GMEB1: variants seen among roughly 807,000 people sequenced by gnomAD.
GMEB1 encodes glucocorticoid modulatory element binding protein 1.
Under a neutral mutation model 52.4 loss-of-function variants are expected in GMEB1, and 6 were observed. The observed-to-expected ratio is 0.11, with a 90% CI of 0.06 to 0.23. The LOEUF (loss-of-function observed/expected upper bound fraction) is 0.23. Among genes scored for constraint, GMEB1 ranks in the 10% least tolerant of loss-of-function variants. The pLI is 1.00. For synonymous variants in GMEB1, 255 were observed against 244.9 expected (o/e 1.04, Z -0.38); for missense variants, 486 against 685.6 (o/e 0.71, Z 3.25).
intron 8 of GMEB1, among the ~76,000 whole-genome samples, chr1:28,707,735 G>C (rs943433529): frequency 6.6e-6 from 1 of 152,104 alleles, no homozygotes; most frequent in Non-Finnish European, 1.5e-5. Flanking sequence ...CTAGATAGAA[G>C]TATGAATGTG....
chr1:28,714,779 G>T lies in GMEB1; in HGVS notation c.*6G>T, dbSNP rs748224487. 13 of 1,564,094 alleles carry T rather than the reference G, an allele frequency of 8.3e-6. No individual in the cohort carries two copies. Among genetic ancestry groups the T allele is most frequent in the South Asian group, 4.4e-5 (4 of 89,984 alleles). ...TTGTGGTCTTAGAGGATTAACTGGG[G>T]ATCTCAGGGCCAGGAGTTATGTTTT... On this transcript the variant is annotated 3_prime_UTR_variant, in exon 10 of 10. Transcript: ENST00000373816.
At chr1:28,702,948 G>A (rs904080856) in intron 7 of GMEB1, among the ~76,000 whole-genome samples, 12 of 151,864 alleles carry the variant, frequency 7.9e-5, no homozygotes, top group African/African-American at 2.7e-4. Flanking sequence ...CCAGCTACTC[G>A]GGAGCTTGCA....
chr1:28,696,475 A>G (rs566181663), intron 5 of GMEB1, among the ~76,000 whole-genome samples: 1 of 152,250 alleles, frequency 6.6e-6, no homozygotes, highest in Admixed American at 6.6e-5. Context: ...GGATACTAAA[A>G]AATCTTTAGT....
intron 7 of GMEB1, among the ~76,000 whole-genome samples, chr1:28,703,443 C>T (rs1670607151): frequency 6.6e-6 from 1 of 152,074 alleles, no homozygotes; most frequent in African/African-American, 2.4e-5. Flanking sequence ...GGATGGATCA[C>T]CTGAGGTCGG....
chr1:28,692,964 C>T lies in GMEB1; in HGVS notation c.359C>T (p.Pro120Leu). ...CVKFNDQLISPKHFVHLAGKS... is the reference protein window; with the variant it reads ...CVKFNDQLISLKHFVHLAGKS... ...TAGTTCAATGATCAGTTGATCAGCC[C>T]CAAGCACTTTGTTCATCTGGCTGGC... is the stretch of plus-strand genomic sequence containing the variant. Residue 120 changes from proline (P) to leucine (L), a missense_variant, in exon 5 of 10, where the codon CCC (proline) becomes CTC (leucine). Pro to Leu is a moderately conservative substitution (Grantham distance 98). This residue lies in a region of GMEB1 where 43 missense variants were observed against 117.5 expected (regional missense o/e 0.37). Transcript: ENST00000373816. The T allele has an allele frequency of 6.2e-7, 1 of 1,606,134 alleles. No individual in the cohort carries two copies.
At chr1:28,668,337 T>G (rs912785540), upstream of GMEB1, among the ~76,000 whole-genome samples, 12 of 151,672 alleles carry the variant, frequency 7.9e-5, no homozygotes, top group African/African-American at 2.9e-4. Flanking sequence ...GCTCAAGGAC[T>G]CGTGACCAGT....
Position 28,716,930 on chromosome 1 carries a change from C to G in GMEB1, c.*2157C>G, listed in dbSNP as rs1307393853. On this transcript the variant is annotated 3_prime_UTR_variant, in exon 10 of 10. Transcript: ENST00000373816. ...GGAAAAATATAGAGATACAGGGAAA[C>G]TACAGACAAATTTAAGGAAAAATAG... 1 of 151,494 alleles carries G rather than the reference C, an allele frequency of 6.6e-6. No individual in the cohort carries two copies. The highest frequency in any genetic ancestry group is 1.5e-5 in the Non-Finnish European group (1 of 67,952). 9.4% of individuals were successfully genotyped at this position (151,494 alleles called of 1,614,324 possible).
intron 9 of GMEB1, among the ~76,000 whole-genome samples, chr1:28,711,320 G>A (rs950018715): frequency 7.3e-5 from 11 of 150,424 alleles, no homozygotes; most frequent in East Asian, 1.9e-4. Context: ...CCTTTAAACC[G>A]TCAGAAAACT....
rs1372268830 is a variant in GMEB1 at position 28,715,179 on chromosome 1, G to A, written c.*406G>A. The A allele has an allele frequency of 5.6e-6, 1 of 178,752 alleles. No individual in the cohort carries two copies. Among genetic ancestry groups the A allele is most frequent in the Non-Finnish European group, 1.2e-5 (1 of 82,854 alleles). 11.1% of individuals were successfully genotyped at this position (178,752 alleles called of 1,614,324 possible). On this transcript the variant is annotated 3_prime_UTR_variant, in exon 10 of 10. Coordinates refer to ENST00000373816, the MANE Select transcript of GMEB1 (RefSeq NM_001319674.2). ...ACACTGGAAGGCAACCCACTCGCATGTGGATGCTGAAGGGCACTTTATTTT... is the reference window on the plus strand; with the variant it reads ...ACACTGGAAGGCAACCCACTCGCATATGGATGCTGAAGGGCACTTTATTTT...
intron 8 of GMEB1, among the ~76,000 whole-genome samples, chr1:28,710,310 T>C (rs762344077): frequency 3.8e-4 from 58 of 152,206 alleles, no homozygotes; most frequent in Non-Finnish European, 6.6e-4. Context: ...CAGCCTGATC[T>C]TTGTATTTAT....
chr1:28,695,479 G>A (rs538414580), intron 5 of GMEB1, among the ~76,000 whole-genome samples: 4 of 150,160 alleles, frequency 2.7e-5, no homozygotes, highest in East Asian at 4.0e-4. Flanking sequence ...TGATCCACCC[G>A]CCTTGGCCTC....
chr1:28,712,046 G>A (rs1250953365), intron 9 of GMEB1, among the ~76,000 whole-genome samples: 3 of 152,016 alleles, frequency 2.0e-5, no homozygotes, highest in East Asian at 3.9e-4. Context: ...CAAATGACCT[G>A]TGCTTCTGAC....
intron 1 of GMEB1, among the ~76,000 whole-genome samples, chr1:28,678,598 C>T (rs554090793): frequency 4.8e-4 from 73 of 151,878 alleles, no homozygotes; most frequent in African/African-American, 1.6e-3. Context: ...TGCGAGCCAC[C>T]GCGTCCGTCT....
At chr1:28,697,159 GTACATATATATATATATATATA>G (rs1670246434) in intron 6 of GMEB1, 75 bp downstream of exon 6, 2 of 190,398 alleles carry the variant, frequency 1.1e-5, no homozygotes, top group African/African-American at 9.5e-5. Flanking sequence ...TCCCTTGTGT[GTACATATATATATATATATATA>G]TATATATATA....
At chr1:28,698,372 G>A (rs1570418544) in intron 6 of GMEB1, among the ~76,000 whole-genome samples, 1 of 148,730 alleles carries the variant, frequency 6.7e-6, no homozygotes. Flanking sequence ...GCAAGACTCC[G>A]TCTTAAAAAA....
chr1:28,683,598 G>T lies in GMEB1; in HGVS notation c.-15G>T, dbSNP rs749449960. 1 of 1,593,346 alleles carries T rather than the reference G, an allele frequency of 6.3e-7. No individual in the cohort carries two copies. Among genetic ancestry groups the T allele is most frequent in the Admixed American group, 1.8e-5 (1 of 55,212 alleles). ...TTCCCGACAGCAGTCCCAGCTATCT[G>T]ACTTCATGTGAAAGATGGCTAATGC... On this transcript the variant is annotated 5_prime_UTR_variant, in exon 2 of 10. Transcript: ENST00000373816.
At chr1:28,697,355 T>C (rs979777110) in intron 6 of GMEB1, among the ~76,000 whole-genome samples, 1 of 151,736 alleles carries the variant, frequency 6.6e-6, no homozygotes, top group Non-Finnish European at 1.5e-5. Context: ...ATTACAGGCA[T>C]GCGCCACCAC....
At chr1:28,685,709 T>C (rs926152188) in intron 2 of GMEB1, among the ~76,000 whole-genome samples, 3 of 151,866 alleles carry the variant, frequency 2.0e-5, no homozygotes, top group African/African-American at 7.3e-5. Flanking sequence ...ACCTGTAATC[T>C]CAGTACTTTG....
intron 4 of GMEB1, among the ~76,000 whole-genome samples, chr1:28,692,006 C>A (rs1387715124): frequency 1.3e-5 from 2 of 149,296 alleles, no homozygotes; most frequent in Non-Finnish European, 3.0e-5. Context: ...AATGGTGAGA[C>A]CTTGGCTTTC....
Sources: allele counts gnomAD v4.1 joint callset (sites outside exome capture counted in the v4.1 genomes callset), GRCh38; gene constraint gnomAD v4.1.1; regional missense constraint gnomAD v4.1.1; transcripts MANE v1.5; gene names NCBI Gene and HGNC (gene_info 2026-07-23, HGNC 2026-07-21).